Variants in KIF6 observed in about 807,000 individuals in gnomAD.
The protein encoded by KIF6 is kinesin-like protein KIF6.
A neutral mutation model predicts 112.7 loss-of-function variants in KIF6; 106 were observed. The ratio of observed to expected loss-of-function variants is 0.94; its 90% CI spans 0.80 to 1.11. The LOEUF (loss-of-function observed/expected upper bound fraction) is 1.11. Ranked by LOEUF, KIF6 falls within the 50% of genes least tolerant of loss-of-function variation. KIF6 has a pLI of 0.00. For synonymous variants in KIF6, 339 were observed against 339.9 expected (o/e 1.00, Z 0.03); for missense variants, 929 against 964.0 (o/e 0.96, Z 0.48).
chr6:39,714,671 AC>A lies in KIF6; in HGVS notation c.251+20del. 6.3e-7 allele frequency: 1 copy of A among 1,598,236 alleles called. No individual in the cohort carries two copies. The highest frequency in any genetic ancestry group is 8.6e-7 in the Non-Finnish European group (1 of 1,165,854). On this transcript the variant is annotated intron_variant, in intron 3 of 22. Transcript: ENST00000287152. ...ACATGAAAAACCACGAGCCCACTGA[AC>A]AAAATATGGGAAATCCTACCTCCCA... is the stretch of plus-strand genomic sequence containing the variant.
At chr6:39,448,184 T>A (rs747119972) in intron 13 of KIF6, among the ~76,000 whole-genome samples, 7 of 152,150 alleles carry the variant, frequency 4.6e-5, no homozygotes, top group Non-Finnish European at 1.0e-4. Context: ...TTTATTAATT[T>A]TTTTTTTGAG....
At chr6:39,382,771 T>C (rs1459134218) in intron 16 of KIF6, among the ~76,000 whole-genome samples, 2 of 152,112 alleles carry the variant, frequency 1.3e-5, no homozygotes, top group Admixed American at 1.3e-4. Flanking sequence ...GTGAAATAAT[T>C]TGCATTCCCA....
chr6:39,389,364 T>C (rs1329600249), intron 15 of KIF6, among the ~76,000 whole-genome samples: 1 of 152,224 alleles, frequency 6.6e-6, no homozygotes, highest in African/African-American at 2.4e-5. Flanking sequence ...CTGCTGCTCC[T>C]GCAATTTCTG....
intron 15 of KIF6, among the ~76,000 whole-genome samples, chr6:39,391,272 C>A (rs2150323681): frequency 6.6e-6 from 1 of 152,298 alleles, no homozygotes; most frequent in African/African-American, 2.4e-5. Flanking sequence ...AGGAAGGTAA[C>A]TAAAACAGCG....
chr6:39,660,532 A>G (rs1215685955), intron 3 of KIF6, among the ~76,000 whole-genome samples: 1 of 151,650 alleles, frequency 6.6e-6, no homozygotes, highest in Non-Finnish European at 1.5e-5. Context: ...ATGCTCACAC[A>G]ATCTTGTCAA....
intron 13 of KIF6, among the ~76,000 whole-genome samples, chr6:39,514,245 G>C (rs1401644527): frequency 6.6e-6 from 1 of 152,120 alleles, no homozygotes; most frequent in Non-Finnish European, 1.5e-5. Flanking sequence ...CTAGATCTAG[G>C]CATGTGACTT....
At chr6:39,607,415 A>G (rs896024134) in intron 6 of KIF6, among the ~76,000 whole-genome samples, 2 of 152,150 alleles carry the variant, frequency 1.3e-5, no homozygotes, top group African/African-American at 4.8e-5. Context: ...AAATATAAGA[A>G]CAAGAAAGAA....
intron 3 of KIF6, among the ~76,000 whole-genome samples, chr6:39,676,952 A>G (rs909878797): frequency 2.6e-5 from 4 of 152,096 alleles, no homozygotes; most frequent in African/African-American, 9.7e-5. Flanking sequence ...AAAATCATCC[A>G]TGTCATTTAT....
intron 14 of KIF6, among the ~76,000 whole-genome samples, chr6:39,430,771 A>T (rs1771097354): frequency 6.6e-6 from 1 of 152,190 alleles, no homozygotes; most frequent in Admixed American, 6.5e-5. Flanking sequence ...GTACAGGCTG[A>T]TGAGAATGAA....
At chr6:39,507,673 T>C (rs907348483) in intron 13 of KIF6, among the ~76,000 whole-genome samples, 2 of 141,916 alleles carry the variant, frequency 1.4e-5, no homozygotes, top group Non-Finnish European at 3.1e-5. Context: ...CCTTCCTTCC[T>C]TCCTTCCTTC....
At chr6:39,640,984 T>C (rs17594202) in intron 3 of KIF6, among the ~76,000 whole-genome samples, 3,110 of 152,138 alleles carry the variant, frequency 0.02, 47 homozygotes, top group Middle Eastern at 0.065. Flanking sequence ...TTTTGAGGAG[T>C]GTAATCACTT....
At chr6:39,691,948 T>G (rs1288049600) in intron 3 of KIF6, 1 of 152,142 alleles carries the variant, frequency 6.6e-6, no homozygotes, top group Non-Finnish European at 1.5e-5. Context: ...CAGGATACAT[T>G]TCTATTAAAA....
chr6:39,353,420 G>T (rs7772430), intron 19 of KIF6, among the ~76,000 whole-genome samples: 77,263 of 151,972 alleles, frequency 0.51, 21,486 homozygotes, highest in African/African-American at 0.75. Flanking sequence ...TAAACTGAGT[G>T]GTTTATTTTC....
chr6:39,565,986 G>A (rs950248899), intron 10 of KIF6, among the ~76,000 whole-genome samples: 1 of 152,154 alleles, frequency 6.6e-6, no homozygotes, highest in African/African-American at 2.4e-5. Context: ...AATTCCACCT[G>A]GCATGAATCC....
chr6:39,497,011 G>T (rs1775825600), intron 13 of KIF6, among the ~76,000 whole-genome samples: 1 of 152,246 alleles, frequency 6.6e-6, no homozygotes, highest in South Asian at 2.1e-4. Flanking sequence ...ATATTTAGGT[G>T]CCTTGCCCGC....
rs1763654229 is a variant in KIF6, at chr6:39,345,717, GC to G, written c.2303del (p.Ser768ThrfsTer56). ...CCACAGACCTGTCTTCCAGTGGGGT[GC>G]TGGTGCTGCTCTGTTTCTGGCTGTG... is the stretch of plus-strand genomic sequence containing the variant. Reference protein sequence around the residue: ...SPHSQKQSSTSTPLEDSIPKR... With the variant: ...SPHSQKQSSTXTPLEDSIPKR... On this transcript the variant is annotated frameshift_variant, in exon 21 of 23. Transcript: ENST00000287152. LOFTEE classifies it high-confidence loss of function. 2 of 1,613,590 alleles carry G rather than the reference GC, an allele frequency of 1.2e-6. No homozygotes were observed. Among genetic ancestry groups the G allele is most frequent in the Non-Finnish European group, 1.7e-6 (2 of 1,179,830 alleles).
chr6:39,423,086 C>T (rs983327208), intron 14 of KIF6, among the ~76,000 whole-genome samples: 4 of 152,186 alleles, frequency 2.6e-5, no homozygotes, highest in African/African-American at 7.2e-5. Flanking sequence ...AGTTGTGTGG[C>T]TGGCTTTGGG....
chr6:39,581,909 A>G (rs1431207737), intron 9 of KIF6, among the ~76,000 whole-genome samples: 1 of 152,190 alleles, frequency 6.6e-6, no homozygotes, highest in East Asian at 1.9e-4. Context: ...TGAGTTTCAG[A>G]TTATTTGGGC....
intron 13 of KIF6, among the ~76,000 whole-genome samples, chr6:39,539,186 G>A (rs1331730292): frequency 6.6e-6 from 1 of 151,120 alleles, no homozygotes; most frequent in Non-Finnish European, 1.5e-5. Flanking sequence ...CCTGCATATT[G>A]TGCACATGTA....
Sources: gnomAD v4.1 joint callset for allele counts (sites outside exome capture counted in the v4.1 genomes callset) on GRCh38, gnomAD v4.1.1 for gene constraint, MANE v1.5 for transcripts, NCBI Gene and HGNC (gene_info 2026-07-23, HGNC 2026-07-21) for gene names.